Variants in RBFOX1 observed in about 807,000 individuals in gnomAD.
The protein encoded by RBFOX1 is RNA binding fox-1 homolog 1.
Under a neutral mutation model 57.7 loss-of-function variants are expected in RBFOX1, and 8 were observed. The observed-to-expected ratio is 0.14, with a 90% CI of 0.08 to 0.25. RBFOX1 has a LOEUF of 0.25. Ranked by LOEUF, RBFOX1 falls within the 10% of genes least tolerant of loss-of-function variation. The probability of loss-of-function intolerance (pLI) is 1.00; values close to 1 mark genes in which losing one functional copy is unlikely to be tolerated. For synonymous variants in RBFOX1, 326 were observed against 222.4 expected (o/e 1.47, Z -4.15); for missense variants, 611 against 548.5 (o/e 1.11, Z -1.14).
At chr16:7,202,620 C>T (rs969912440) in intron 4 of RBFOX1, among the ~76,000 whole-genome samples, 9 of 152,322 alleles carry the variant, frequency 5.9e-5, no homozygotes, top group African/African-American at 1.7e-4. Context: ...CTCCTCATTG[C>T]TTGCATCAGC....
chr16:6,088,368 C>G (rs1337230233), intron 1 of RBFOX1, among the ~76,000 whole-genome samples: 1 of 152,108 alleles, frequency 6.6e-6, no homozygotes. Context: ...GTCATGTTCT[C>G]TGATGTGATT....
chr16:6,795,210 A>G (rs943113738), intron 3 of RBFOX1, among the ~76,000 whole-genome samples: 1 of 152,150 alleles, frequency 6.6e-6, no homozygotes, highest in Non-Finnish European at 1.5e-5. Context: ...TGTGACTTCT[A>G]GGTTACCCAC....
intron 1 of RBFOX1, among the ~76,000 whole-genome samples, chr16:5,300,394 A>G (rs1446555879): frequency 6.6e-6 from 1 of 152,146 alleles, no homozygotes; most frequent in Non-Finnish European, 1.5e-5. Flanking sequence ...GATAAAGACT[A>G]CACATGGGTA....
intron 3 of RBFOX1, among the ~76,000 whole-genome samples, chr16:5,718,433 T>C (rs2051799728): frequency 6.6e-6 from 1 of 152,212 alleles, no homozygotes; most frequent in African/African-American, 2.4e-5. Context: ...TGTGGTTTGT[T>C]ATGCAGGTGT....
chr16:5,758,122 C>T (rs774728650), intron 3 of RBFOX1, among the ~76,000 whole-genome samples: 10 of 152,158 alleles, frequency 6.6e-5, no homozygotes, highest in Non-Finnish European at 1.3e-4. Context: ...GGGCACAGAG[C>T]AAATGTTAAA....
At chr16:6,009,220 A>T (rs1362046029) in intron 4 of RBFOX1, among the ~76,000 whole-genome samples, 2 of 152,064 alleles carry the variant, frequency 1.3e-5, no homozygotes, top group Non-Finnish European at 2.9e-5. Flanking sequence ...GTGGTCTCTA[A>T]AAAAGACCTA....
intron 2 of RBFOX1, among the ~76,000 whole-genome samples, chr16:6,637,489 ATAT>A (rs1411828809): frequency 1.7e-5 from 1 of 58,590 alleles, no homozygotes; most frequent in African/African-American, 4.5e-5. Flanking sequence ...AATATCCTAT[ATAT>A]TATATATAAT....
intron 4 of RBFOX1, among the ~76,000 whole-genome samples, chr16:7,185,262 G>C (rs1023906871): frequency 6.6e-6 from 1 of 152,124 alleles, no homozygotes; most frequent in Non-Finnish European, 1.5e-5. Context: ...AAAGCAAATT[G>C]AAGGAGGTGT....
rs558422677 is a variant in RBFOX1, at chr16:5,248,546, C to G, written c.219+8441C>G. ...CTTCTCTAAGGCTCCCTCTGACCCT[C>G]TAGACCTCACCAGCTGAGGATCAGA... On this transcript the variant is annotated intron_variant, in intron 1 of 2. Transcript: ENST00000585867. Among the ~76,000 whole-genome samples the G allele has an allele frequency of 4.6e-5, 7 of 152,322 alleles. 1 individual carries two copies. In the South Asian group the frequency reaches 1.5e-3, roughly 32 times the overall value.
chr16:6,333,573 G>A (rs2083293650), intron 2 of RBFOX1, among the ~76,000 whole-genome samples: 1 of 151,780 alleles, frequency 6.6e-6, no homozygotes, highest in African/African-American at 2.4e-5. Flanking sequence ...TTCAGAGTTT[G>A]GTTTACGAAA....
intron 4 of RBFOX1, among the ~76,000 whole-genome samples, chr16:7,430,350 C>T (rs1422323979): frequency 6.6e-6 from 1 of 152,080 alleles, no homozygotes; most frequent in African/African-American, 2.4e-5. Flanking sequence ...AAACAACTTC[C>T]TTCTTTGAAT....
At chr16:5,859,351 C>T (rs1051751863) in intron 3 of RBFOX1, among the ~76,000 whole-genome samples, 2 of 152,218 alleles carry the variant, frequency 1.3e-5, no homozygotes, top group Non-Finnish European at 2.9e-5. Context: ...CACAGCTATC[C>T]ATTCTCAATC....
intron 3 of RBFOX1, among the ~76,000 whole-genome samples, chr16:7,051,491 A>G (rs7206170): frequency 0.53 from 80,642 of 152,124 alleles, 23,437 homozygotes; most frequent in South Asian, 0.76. Flanking sequence ...ACCTATCAGG[A>G]TCTCTTTCTG....
At chr16:6,479,245 T>C (rs78090025) in intron 2 of RBFOX1, among the ~76,000 whole-genome samples, 4,263 of 152,276 alleles carry the variant, frequency 0.028, 208 homozygotes, top group African/African-American at 0.096. Context: ...CTCAGGAAAC[T>C]TTCAATTATG....
intron 2 of RBFOX1, among the ~76,000 whole-genome samples, chr16:6,591,515 AG>A (rs1567800389): frequency 6.6e-6 from 1 of 152,204 alleles, no homozygotes; most frequent in African/African-American, 2.4e-5. Context: ...CTTTCTAAAA[AG>A]AACAGCAGGG....
At chr16:6,223,270 C>G (rs1037991372) in intron 1 of RBFOX1, among the ~76,000 whole-genome samples, 2 of 150,968 alleles carry the variant, frequency 1.3e-5, no homozygotes, top group African/African-American at 4.9e-5. Flanking sequence ...CCTGAGGAAT[C>G]GCCACACTGA....
chr16:7,000,596 C>CTTTTTTTTTTTTTTTTTTTTTTTTTTCTT (rs759103545), intron 3 of RBFOX1, among the ~76,000 whole-genome samples: 1 of 92,596 alleles, frequency 1.1e-5, no homozygotes, highest in Non-Finnish European at 2.0e-5. Flanking sequence ...CTTTTTCTTT[C>CTTTTTTTTTTTTTTTTTTTTTTTTTTCTT]TTTTTTTTTT....
chr16:6,484,926 C>T (rs552259152), intron 2 of RBFOX1, among the ~76,000 whole-genome samples: 28 of 152,180 alleles, frequency 1.8e-4, no homozygotes, highest in Non-Finnish European at 3.8e-4. Flanking sequence ...TTGTGTAATC[C>T]TCTCTTTAGT....
At chr16:7,407,693 A>C (rs2098369469) in intron 4 of RBFOX1, among the ~76,000 whole-genome samples, 1 of 152,188 alleles carries the variant, frequency 6.6e-6, no homozygotes, top group Non-Finnish European at 1.5e-5. Flanking sequence ...ATTCACCTTA[A>C]TACAATGCTG....
Sources: gnomAD v4.1 joint callset for allele counts (sites outside exome capture counted in the v4.1 genomes callset) on GRCh38, gnomAD v4.1.1 for gene constraint, MANE v1.5 for transcripts, NCBI Gene and HGNC (gene_info 2026-07-23, HGNC 2026-07-21) for gene names.